The following CSMD1 variants were observed in gnomAD, a reference collection of about 807,000 sequenced individuals.
CSMD1 encodes the protein CUB and Sushi multiple domains 1, also known as CUB and sushi domain-containing protein 1.
Under a neutral mutation model 417.5 loss-of-function variants are expected in CSMD1, and 213 were observed. The observed-to-expected ratio is 0.51, with a 90% CI of 0.46 to 0.57. CSMD1 has a LOEUF of 0.57. Ranked by LOEUF, CSMD1 falls within the 20% of genes least tolerant of loss-of-function variation. The pLI is 0.00. For synonymous variants in CSMD1, 2,862 were observed against 1,736.8 expected (o/e 1.65, Z -16.11); for missense variants, 6,923 against 4,529.7 (o/e 1.53, Z -15.17).
chr8:3,141,516 T>C (rs529067739), intron 41 of CSMD1, among the ~76,000 whole-genome samples: 63 of 152,260 alleles, frequency 4.1e-4, no homozygotes, highest in African/African-American at 1.5e-3. Flanking sequence ...CATTATGGTT[T>C]AGGGGTCATG....
At chr8:4,351,999 T>G (rs946561134) in intron 3 of CSMD1, among the ~76,000 whole-genome samples, 3 of 151,138 alleles carry the variant, frequency 2.0e-5, no homozygotes, top group African/African-American at 4.9e-5. Flanking sequence ...AACACGGGTA[T>G]GGAATTGACT....
intron 27 of CSMD1, among the ~76,000 whole-genome samples, chr8:3,224,364 G>A (rs959369097): frequency 9.2e-5 from 14 of 152,186 alleles, no homozygotes; most frequent in African/African-American, 3.4e-4. Context: ...TCTAGCTCCT[G>A]TTCATTGTTT....
intron 3 of CSMD1, among the ~76,000 whole-genome samples, chr8:4,204,399 G>T (rs1419013106): frequency 6.6e-6 from 1 of 152,068 alleles, no homozygotes; most frequent in Admixed American, 6.6e-5. Context: ...TACAAATTAG[G>T]AAAGATAGAA....
intron 6 of CSMD1, among the ~76,000 whole-genome samples, chr8:3,728,889 C>T (rs908819851): frequency 2.0e-5 from 3 of 152,146 alleles, no homozygotes; most frequent in East Asian, 1.9e-4. Context: ...CTGGCATCCA[C>T]GTGGTTTTCA....
chr8:3,969,984 T>C (rs775828225), intron 5 of CSMD1, among the ~76,000 whole-genome samples: 1 of 152,182 alleles, frequency 6.6e-6, no homozygotes, highest in Admixed American at 6.5e-5. Context: ...GAGTTGTCAG[T>C]CAACATTTGA....
intron 12 of CSMD1, among the ~76,000 whole-genome samples, chr8:3,414,631 T>C (rs117339192): frequency 0.013 from 1,953 of 152,264 alleles, 47 homozygotes; most frequent in East Asian, 0.095. Context: ...ACCAACTTTG[T>C]TCTTAGTCCA....
intron 3 of CSMD1, among the ~76,000 whole-genome samples, chr8:4,312,306 C>T (rs1798658238): frequency 6.6e-6 from 1 of 150,986 alleles, no homozygotes; most frequent in Admixed American, 6.6e-5. Flanking sequence ...TATTTTAACA[C>T]ACATGATCAT....
At chr8:3,783,500 G>A (rs927932619) in intron 5 of CSMD1, among the ~76,000 whole-genome samples, 1 of 152,200 alleles carries the variant, frequency 6.6e-6, no homozygotes, top group African/African-American at 2.4e-5. Flanking sequence ...TGCTGAGGAG[G>A]GGAAAGGACC....
intron 3 of CSMD1, among the ~76,000 whole-genome samples, chr8:4,147,013 C>T (rs1345904559): frequency 6.6e-6 from 1 of 151,900 alleles, no homozygotes; most frequent in Non-Finnish European, 1.5e-5. Flanking sequence ...ACTCAGAGGC[C>T]AGGAGAGTCA....
chr8:2,985,541 T>C (rs1805819188), intron 54 of CSMD1, among the ~76,000 whole-genome samples: 1 of 152,224 alleles, frequency 6.6e-6, no homozygotes, highest in Non-Finnish European at 1.5e-5. Flanking sequence ...ACACAATGCA[T>C]AGGCAATATA....
At chr8:4,147,008 G>A (rs550171085) in intron 3 of CSMD1, among the ~76,000 whole-genome samples, 3 of 151,850 alleles carry the variant, frequency 2.0e-5, no homozygotes, top group South Asian at 4.2e-4. Flanking sequence ...CATCCACTCA[G>A]AGGCCAGGAG....
intron 5 of CSMD1, among the ~76,000 whole-genome samples, chr8:3,942,175 T>G (rs1372491724): frequency 1.3e-5 from 2 of 151,924 alleles, no homozygotes; most frequent in African/African-American, 4.8e-5. Context: ...GAAAACAAGG[T>G]GTGGGCTCCC....
At chr8:4,952,275 A>C (rs10448110) in intron 1 of CSMD1, among the ~76,000 whole-genome samples, 62,464 of 151,772 alleles carry the variant, frequency 0.41, 13,189 homozygotes, top group Middle Eastern at 0.51. Context: ...TATAGATAAT[A>C]AAACGCAACA....
chr8:4,207,383 C>G (rs1045892800), intron 3 of CSMD1, among the ~76,000 whole-genome samples: 4 of 152,112 alleles, frequency 2.6e-5, no homozygotes, highest in Non-Finnish European at 4.4e-5. Context: ...AATTCACACA[C>G]TCATGGAAGA....
At chr8:4,840,928 A>C (rs1190550528) in intron 1 of CSMD1, among the ~76,000 whole-genome samples, 1 of 152,226 alleles carries the variant, frequency 6.6e-6, no homozygotes, top group East Asian at 1.9e-4. Flanking sequence ...AGTGAATACA[A>C]ATATCCCTAA....
intron 3 of CSMD1, among the ~76,000 whole-genome samples, chr8:4,366,233 G>A (rs960163916): frequency 6.8e-5 from 10 of 147,994 alleles, no homozygotes; most frequent in Non-Finnish European, 1.5e-5. Context: ...CTGCATCCAT[G>A]TAGCTGCAAA....
intron 3 of CSMD1, among the ~76,000 whole-genome samples, chr8:4,244,448 T>A (rs1324553186): frequency 6.6e-6 from 1 of 152,168 alleles, no homozygotes; most frequent in Non-Finnish European, 1.5e-5. Context: ...GTCAAATAAT[T>A]TTTTAAAAAG....
rs184126161 is a variant in CSMD1 at position 4,766,150 on chromosome 8, T to G, written c.86-128592A>C. Among the ~76,000 whole-genome samples the G allele has an allele frequency of 4.6e-5, 7 of 152,350 alleles. No homozygotes were observed. In the East Asian group the frequency reaches 1.4e-3, roughly 29 times the overall value. On this transcript the variant is annotated intron_variant, in intron 1 of 69. Transcript: ENST00000635120. ...TTTTGATAAAATGTACAATGCTTTG[T>G]GTACTAGTCCTGTAGACCTGATGCA... is the stretch of plus-strand genomic sequence containing the variant.
chr8:4,746,170 C>T (rs73661109), intron 1 of CSMD1, among the ~76,000 whole-genome samples: 1 of 152,116 alleles, frequency 6.6e-6, no homozygotes, highest in Admixed American at 6.5e-5. Flanking sequence ...ACCTTTTCAT[C>T]CAAAATTCTT....
Sources: gnomAD v4.1 joint callset for allele counts (sites outside exome capture counted in the v4.1 genomes callset) on GRCh38, gnomAD v4.1.1 for gene constraint, MANE v1.5 for transcripts, NCBI Gene and HGNC (gene_info 2026-07-23, HGNC 2026-07-21) for gene names.